CNGA3: variants seen among roughly 807,000 people sequenced by gnomAD.
The protein encoded by CNGA3 is cyclic nucleotide-gated channel alpha-3.
CNGA3 carries 42 observed loss-of-function variants against 46.6 expected under a neutral mutation model. The observed-to-expected ratio is 0.90, with a 90% CI of 0.70 to 1.17. The LOEUF is 1.17. Ranked by LOEUF, CNGA3 falls within the 50% of genes most tolerant of loss-of-function variation. The pLI, the probability that CNGA3 is intolerant of heterozygous loss-of-function variation, is 0.00. For missense variants in CNGA3, 893 were observed against 890.7 expected (o/e 1.00, Z -0.03); for synonymous variants, 394 against 369.4 (o/e 1.07, Z -0.76).
intron 3 of CNGA3, 115 bp downstream of exon 3, chr2:98,377,915 A>AAAG: frequency 7.6e-7 from 1 of 1,309,248 alleles, no homozygotes; most frequent in Middle Eastern, 2.1e-4. Context: ...TTTGGAAAAG[A>AAAG]AAGGGTCAGG....
intron 5 of CNGA3, among the ~76,000 whole-genome samples, chr2:98,384,113 C>A (rs1342960996): frequency 6.6e-6 from 1 of 152,028 alleles, no homozygotes; most frequent in East Asian, 1.9e-4. Context: ...ATGGTCTCGA[C>A]CTCCTGACCT....
At chr2:98,379,452 A>G (rs567206539) in intron 3 of CNGA3, among the ~76,000 whole-genome samples, 4 of 152,320 alleles carry the variant, frequency 2.6e-5, no homozygotes, top group Middle Eastern at 3.4e-3. Context: ...AACAGCAGGC[A>G]GGGTGGAGGG....
intron 1 of CNGA3, among the ~76,000 whole-genome samples, chr2:98,358,007 T>A (rs1018924326): frequency 6.6e-6 from 1 of 152,262 alleles, no homozygotes; most frequent in African/African-American, 2.4e-5. Context: ...TTGGGGTTAC[T>A]GAGGATTCAC....
At position 98,367,167 on chromosome 2, in the gene CNGA3, G is replaced by GTTTATTTTCTTTTTTTTTTTTTTTTTTTT. The variant is rs751611132; in HGVS notation, c.-37-2769_-37-2768insATTTTCTTTTTTTTTTTTTTTTTTTTTTT. Among the ~76,000 whole-genome samples the GTTTATTTTCTTTTTTTTTTTTTTTTTTTT allele has an allele frequency of 1.8e-4, 18 of 101,622 alleles. 1 individual carries two copies. The highest frequency in any genetic ancestry group is 5.7e-4 in the African/African-American group (17 of 29,940). 66.7% of individuals were successfully genotyped at this position (101,622 alleles called of 152,430 possible). ...TTGGTGAGAACCTCTGACATCAGCT[G>GTTTATTTTCTTTTTTTTTTTTTTTTTTTT]TTTTTTTTCTTTTTTTTCTTTTTTT... On this transcript the variant is annotated intron_variant, in intron 1 of 7. Coordinates refer to ENST00000272602, the MANE Select transcript of CNGA3 (RefSeq NM_001298.3).
chr2:98,370,154 A>G (rs1692253732), intron 2 of CNGA3, 78 bp downstream of exon 2: 1 of 1,228,766 alleles, frequency 8.1e-7, no homozygotes, highest in Non-Finnish European at 1.2e-6. Context: ...CTGTGGGGGA[A>G]GAATGCCTTC....
At chr2:98,390,924 G>A (rs1446247023) in intron 6 of CNGA3, among the ~76,000 whole-genome samples, 1 of 152,214 alleles carries the variant, frequency 6.6e-6, no homozygotes, top group African/African-American at 2.4e-5. Flanking sequence ...GCATGCGAGA[G>A]GAGACGATGC....
chr2:98,370,789 A>G (rs1692267909), intron 2 of CNGA3, among the ~76,000 whole-genome samples: 1 of 152,128 alleles, frequency 6.6e-6, no homozygotes, highest in Non-Finnish European at 1.5e-5. Flanking sequence ...GGACCTATTT[A>G]CTGTACATAG....
intron 3 of CNGA3, chr2:98,378,085 A>G (rs1692450083): frequency 6.4e-7 from 1 of 1,550,860 alleles, no homozygotes; most frequent in Non-Finnish European, 8.7e-7. Context: ...AAAAAAGCCA[A>G]CCGGAGAAGG....
rs1391608796 is a variant in CNGA3, at chr2:98,391,885, G to A, written c.588G>A (p.Gln196=). Residue 196 remains glutamine (Q), a synonymous_variant, in exon 7 of 8, where the codon CAG becomes CAA. Coordinates refer to ENST00000272602, the MANE Select transcript of CNGA3 (RefSeq NM_001298.3). ...LICRACFDEL[Q]SEYLMLWLVL... The stretch of plus-strand genomic sequence containing the variant: ...TTAGGGCCTGTTTCGATGAGCTGCA[G>A]TCCGAGTACCTGATGCTGTGGCTGG... 4 of 1,614,172 alleles carry A rather than the reference G, an allele frequency of 2.5e-6. No homozygotes were observed. Among genetic ancestry groups the A allele is most frequent in the Non-Finnish European group, 3.4e-6 (4 of 1,179,996 alleles).
chr2:98,385,274 G>A (rs536174050), intron 5 of CNGA3, among the ~76,000 whole-genome samples: 16 of 152,336 alleles, frequency 1.1e-4, no homozygotes, highest in African/African-American at 3.8e-4. Flanking sequence ...GTGACTTGAC[G>A]TTAAGACTCC....
chr2:98,368,820 A>T (rs1231181063), intron 1 of CNGA3, among the ~76,000 whole-genome samples: 1 of 152,196 alleles, frequency 6.6e-6, no homozygotes, highest in East Asian at 1.9e-4. Context: ...GGATGAAATC[A>T]CAGGGAGTTG....
intron 1 of CNGA3, among the ~76,000 whole-genome samples, chr2:98,368,268 C>T (rs1210092185): frequency 1.3e-5 from 2 of 152,214 alleles, no homozygotes; most frequent in African/African-American, 4.8e-5. Context: ...CTCTGACCTT[C>T]CTTTGGATTT....
chr2:98,353,308 AT>A (rs147215624), intron 1 of CNGA3, among the ~76,000 whole-genome samples: 17,427 of 152,202 alleles, frequency 0.11, 1,526 homozygotes, highest in Non-Finnish European at 0.17. Context: ...TAATATTAAC[AT>A]TTTATAGTTC....
chr2:98,387,094 A>G (rs1277072209), intron 5 of CNGA3, among the ~76,000 whole-genome samples: 1 of 152,228 alleles, frequency 6.6e-6, no homozygotes, highest in African/African-American at 2.4e-5. Context: ...ACTCTTTTGT[A>G]GTCTGCTTCT....
At chr2:98,354,361 G>A (rs1189622739) in intron 1 of CNGA3, among the ~76,000 whole-genome samples, 2 of 152,160 alleles carry the variant, frequency 1.3e-5, no homozygotes, top group African/African-American at 4.8e-5. Context: ...AATACGTGGA[G>A]AATGTTAGCA....
intron 3 of CNGA3, 52 bp from the exon 4 acceptor site, chr2:98,380,123 G>T: frequency 6.2e-7 from 1 of 1,600,458 alleles, no homozygotes; most frequent in Non-Finnish European, 8.5e-7. Flanking sequence ...GGGTTTGGGG[G>T]TGTGGGGGGC....
At chr2:98,367,218 A>G (rs10188525) in intron 1 of CNGA3, among the ~76,000 whole-genome samples, 66,144 of 135,050 alleles carry the variant, frequency 0.49, 16,128 homozygotes, top group Admixed American at 0.55. Flanking sequence ...ACAGAGTCTC[A>G]CTGTGTCCCC....
intron 6 of CNGA3, among the ~76,000 whole-genome samples, chr2:98,390,190 C>T (rs1230042939): frequency 1.9e-4 from 29 of 151,474 alleles, no homozygotes; most frequent in Admixed American, 1.9e-3. Flanking sequence ...GGCTGGAGTT[C>T]AGTGGCGCGA....
intron 6 of CNGA3, among the ~76,000 whole-genome samples, chr2:98,391,159 T>C (rs1300639622): frequency 6.6e-6 from 1 of 152,238 alleles, no homozygotes; most frequent in Non-Finnish European, 1.5e-5. Context: ...TATTCGAGCA[T>C]AGGCTGATCT....
Sources: allele counts gnomAD v4.1 joint callset (sites outside exome capture counted in the v4.1 genomes callset), GRCh38; gene constraint gnomAD v4.1.1; transcripts MANE v1.5; gene names NCBI Gene and HGNC (gene_info 2026-07-23, HGNC 2026-07-21).